Variants in IQSEC2 observed in about 807,000 individuals in gnomAD.
The protein encoded by IQSEC2 is IQ motif and Sec7 domain ArfGEF 2.
IQSEC2 carries 6 observed loss-of-function variants against 74.6 expected under a neutral mutation model. The ratio of observed to expected loss-of-function variants is 0.08; its 90% CI spans 0.04 to 0.16. IQSEC2 has a LOEUF of 0.16. Among genes scored for constraint, IQSEC2 ranks in the 10% least tolerant of loss-of-function variants. The pLI, the probability that IQSEC2 is intolerant of heterozygous loss-of-function variation, is 1.00. For missense variants in IQSEC2, 734 were observed against 1,306.2 expected (o/e 0.56, Z 6.75); for synonymous variants, 494 against 544.5 (o/e 0.91, Z 1.29).
intron 2 of IQSEC2, chrX:53,281,420 G>C (rs2147265019): frequency 3.5e-6 from 2 of 563,831 alleles, no homozygotes; most frequent in East Asian, 3.9e-5. Flanking sequence ...GGAGGCTGCT[G>C]AATCAGTAGC....
intron 5 of IQSEC2, among the ~76,000 whole-genome samples, chrX:53,249,788 A>T (rs781791652): frequency 8.9e-6 from 1 of 111,865 alleles, no homozygotes; most frequent in East Asian, 2.8e-4. Context: ...ACAGTCACTG[A>T]AGGGTCCAGC....
intron 2 of IQSEC2, among the ~76,000 whole-genome samples, chrX:53,277,431 G>C (rs1556869791): frequency 1.8e-5 from 2 of 109,889 alleles, no homozygotes; most frequent in African/African-American, 6.6e-5. Flanking sequence ...ATGTTGGCCA[G>C]GGTGGTCTTG....
In IQSEC2 at chrX:53,243,579, A is replaced by G. The variant is rs782639966; in HGVS notation, c.2750-108T>C. ...GCACGGGCCACGATAGTCAGGACTG[A>G]GGGTCAATGGGTACCCTCGGCCCCT... is the stretch of plus-strand genomic sequence containing the variant. On this transcript the variant is annotated intron_variant, in intron 8 of 14. Transcript: ENST00000642864. The G allele has an allele frequency of 3.9e-6, 4 of 1,027,443 alleles. No homozygotes were observed. The East Asian group carries it at 1.4e-4, about 36-fold the overall frequency. The allele number at this position is 1,027,443 out of a possible 1,213,427, so 84.7% of individuals were successfully genotyped here.
chrX:53,304,676 GGCA>G, intron 1 of IQSEC2, among the ~76,000 whole-genome samples: 1 of 111,897 alleles, frequency 8.9e-6, no homozygotes, highest in East Asian at 2.8e-4. Flanking sequence ...TTGAATACCA[GGCA>G]GCACAGCGTG....
intron 2 of IQSEC2, among the ~76,000 whole-genome samples, chrX:53,259,715 G>A (rs950861104): frequency 9.9e-5 from 11 of 111,166 alleles, no homozygotes; most frequent in Non-Finnish European, 1.9e-4. Flanking sequence ...CAGGAAAATC[G>A]CTTGAGCCCA....
chrX:53,288,873 C>G (rs922198349), intron 2 of IQSEC2, among the ~76,000 whole-genome samples: 5 of 111,697 alleles, frequency 4.5e-5, no homozygotes, highest in Non-Finnish European at 9.4e-5. Context: ...CCTCTCTGGA[C>G]CTTGGCTTAA....
intron 2 of IQSEC2, among the ~76,000 whole-genome samples, chrX:53,265,532 G>A (rs1478114475): frequency 9.0e-6 from 1 of 111,509 alleles, no homozygotes; most frequent in East Asian, 2.8e-4. Flanking sequence ...CTTGCTCAAG[G>A]TTATACAGAT....
At chrX:53,271,185 T>C (rs781879061) in intron 2 of IQSEC2, among the ~76,000 whole-genome samples, 84 of 111,922 alleles carry the variant, frequency 7.5e-4, no homozygotes, top group Non-Finnish European at 1.1e-3. Context: ...TCCTCCCCCA[T>C]CTCTAACTCT....
At chrX:53,252,393 T>G (rs1258284694) in intron 4 of IQSEC2, among the ~76,000 whole-genome samples, 2 of 104,999 alleles carry the variant, frequency 1.9e-5, no homozygotes, top group Non-Finnish European at 2.0e-5. Context: ...AAAAAAAAAC[T>G]GCAAAACATT....
At chrX:53,271,494 T>A (rs1556868672) in intron 2 of IQSEC2, among the ~76,000 whole-genome samples, 1 of 111,804 alleles carries the variant, frequency 8.9e-6, no homozygotes, top group African/African-American at 3.3e-5. Context: ...TCCTCGCCTC[T>A]TCCCTTTCCC....
intron 3 of IQSEC2, 63 bp from the exon 4 acceptor site, chrX:53,254,994 A>G (rs1307452690): frequency 9.4e-7 from 1 of 1,067,364 alleles, no homozygotes; most frequent in African/African-American, 1.8e-5. Flanking sequence ...CTCCCTAGGC[A>G]CTCAACCACA....
At position 53,321,255 on chromosome X, in the gene IQSEC2, C is replaced by T; in HGVS notation, c.-132G>A. The T allele has an allele frequency of 2.6e-6, 1 of 379,668 alleles. No individual in the cohort carries two copies. Among genetic ancestry groups the T allele is most frequent in the Non-Finnish European group, 4.4e-6 (1 of 227,492 alleles). 31.3% of individuals were successfully genotyped at this position (379,668 alleles called of 1,213,427 possible). A position where few individuals can be genotyped will look rare whatever the true frequency, so the allele number is the denominator to read the frequency against. On this transcript the variant is annotated 5_prime_UTR_variant, in exon 1 of 15. Transcript: ENST00000642864. ...AGGGCGCGCACCGGGCTTGAGGGCC[C>T]GGGGGCCCTAGGGGGCCCGGGAGAC...
At chrX:53,241,944 C>T in intron 9 of IQSEC2, 35 bp from the exon 10 acceptor site, 1 of 1,199,253 alleles carries the variant, frequency 8.3e-7, no homozygotes, top group East Asian at 3.0e-5. Context: ...GTCAGCAAGG[C>T]CAGCCCATCA....
intron 1 of IQSEC2, among the ~76,000 whole-genome samples, chrX:53,302,504 G>A (rs2075220696): frequency 8.9e-6 from 1 of 112,088 alleles, no homozygotes; most frequent in African/African-American, 3.2e-5. Flanking sequence ...GGAGGCTGAG[G>A]CAGGAGGATC....
intron 1 of IQSEC2, among the ~76,000 whole-genome samples, chrX:53,307,295 C>CTTTTTTTTTTTTTTTTTTT (rs60909741): frequency 3.6e-5 from 2 of 55,939 alleles, no homozygotes; most frequent in African/African-American, 5.3e-5. Context: ...TTCTTTCTTT[C>CTTTTTTTTTTTTTTTTTTT]TTTTTTTTTT....
In IQSEC2 at chrX:53,248,752, G is replaced by A. The variant is rs1556862584; in HGVS notation, c.2428C>T (p.Arg810Trp). The A allele has an allele frequency of 1.7e-6, 2 of 1,209,726 alleles. No individual in the cohort carries two copies. The highest frequency in any genetic ancestry group is 1.8e-5 in the African/African-American group (1 of 57,034). Reference protein sequence around the residue: ...RQMIGEFLGNRQKQFNRDVLD... With the variant: ...RQMIGEFLGNWQKQFNRDVLD... ...ACGTCTCTGTTGAACTGCTTCTGCCGGTTCCCTAGGAATTCCCCTATCATC... is the reference window on the plus strand; with the variant it reads ...ACGTCTCTGTTGAACTGCTTCTGCCAGTTCCCTAGGAATTCCCCTATCATC... Residue 810 changes from arginine (R) to tryptophan (W), a missense_variant, in exon 6 of 15, where the codon CGG becomes TGG. By Grantham distance (101) the Arg-to-Trp change is moderately radical. Coordinates refer to ENST00000642864, the MANE Select transcript of IQSEC2 (RefSeq NM_001111125.3).
intron 4 of IQSEC2, among the ~76,000 whole-genome samples, chrX:53,252,375 A>T (rs1234161488): frequency 3.0e-4 from 3 of 10,047 alleles, no homozygotes; most frequent in Non-Finnish European, 8.2e-4. Flanking sequence ...AAAATTTATT[A>T]AAAAAAAAAA....
intron 1 of IQSEC2, among the ~76,000 whole-genome samples, chrX:53,307,659 C>T (rs1435525507): frequency 1.8e-5 from 2 of 108,275 alleles, no homozygotes; most frequent in African/African-American, 6.7e-5. Context: ...AATCCCAGCA[C>T]TTTGGGAGGC....
Position 53,250,920 on chromosome X carries a change from C to A in IQSEC2, c.1656G>T (p.Pro552=). ...RPEFWAPAPL[P]PVPPPVPSGT... is the part of the protein sequence containing the mutation. Reference sequence around the variant, plus strand: ...CTGATGGCACTGGTGGAGGAACTGGCGGGAGAGGGGCTGGCGCCCAGAACT... The same window carrying A: ...CTGATGGCACTGGTGGAGGAACTGGAGGGAGAGGGGCTGGCGCCCAGAACT... The change falls in exon 5 of 15, where the codon CCG becomes CCT. Residue 552 remains proline, a synonymous_variant. Coordinates refer to ENST00000642864, the MANE Select transcript of IQSEC2 (RefSeq NM_001111125.3). The A allele has an allele frequency of 8.3e-7, 1 of 1,209,990 alleles. No individual in the cohort carries two copies. Among genetic ancestry groups the A allele is most frequent in the Non-Finnish European group, 1.1e-6 (1 of 894,239 alleles).
Sources: allele counts gnomAD v4.1 joint callset (sites outside exome capture counted in the v4.1 genomes callset), GRCh38; gene constraint gnomAD v4.1.1; transcripts MANE v1.5; gene names NCBI Gene and HGNC (gene_info 2026-07-23, HGNC 2026-07-21).